Variants in DMRT2 observed in about 807,000 individuals in gnomAD.
DMRT2 encodes doublesex- and mab-3-related transcription factor 2.
A neutral mutation model predicts 43.5 loss-of-function variants in DMRT2; 33 were observed. The observed-to-expected ratio is 0.76, with a 90% confidence interval of 0.58 to 1.01. DMRT2 has a LOEUF of 1.01. Ranked by LOEUF, DMRT2 falls within the 50% of genes least tolerant of loss-of-function variation. The pLI is 0.00. For synonymous variants in DMRT2, 395 were observed against 309.2 expected (o/e 1.28, Z -2.91); for missense variants, 1,064 against 748.0 (o/e 1.42, Z -4.93).
At position 1,051,927 on chromosome 9, in the gene DMRT2, G is replaced by A. The variant is rs1474079992; in HGVS notation, c.314G>A (p.Cys105Tyr). 4.4e-6 allele frequency: 6 copies of A among 1,364,798 alleles called. No homozygotes were observed. In the East Asian group the frequency reaches 1.8e-4, roughly 42 times the overall value. 84.5% of individuals were successfully genotyped at this position (1,364,798 alleles called of 1,614,324 possible). A position where few individuals can be genotyped will look rare whatever the true frequency, so the allele number is the denominator to read the frequency against. Reference sequence around the variant, plus strand: ...GCCGGCACCGGTCCCCGAGAGCGCTGCACTCCCGCGGGCGGCGGCGCGGAG... The same window carrying A: ...GCCGGCACCGGTCCCCGAGAGCGCTACACTCCCGCGGGCGGCGGCGCGGAG... The part of the protein sequence containing the change: ...SPAGTGPRER[C>Y]TPAGGGAEPR... The change falls in exon 2 of 4, where the codon TGC (cysteine) becomes TAC (tyrosine). Residue 105 changes from cysteine to tyrosine, a missense_variant. By Grantham distance (194) the Cys-to-Tyr change is radical. Transcript: ENST00000358146. The surrounding 1 kb of genome is among the most constrained non-coding windows in gnomAD (Gnocchi z 5.9).
In DMRT2 at chr9:1,050,542, G is replaced by C. The variant is rs1821493450; in HGVS notation, c.-278G>C. On this transcript the variant is annotated 5_prime_UTR_variant, in exon 1 of 4. Coordinates refer to ENST00000358146, the MANE Select transcript of DMRT2 (RefSeq NM_181872.6). ...ACTTTGCAGAGTTCGGGATGTGCTG[G>C]GCTAGGTCGCTGAGGACTTGACTGG... is the stretch of plus-strand genomic sequence containing the variant. 6.5e-6 allele frequency: 1 copy of C among 152,796 alleles called. No homozygotes were observed. Among genetic ancestry groups the C allele is most frequent in the Non-Finnish European group, 1.5e-5 (1 of 68,224 alleles). The allele number at this position is 152,796 out of a possible 1,614,324, so 9.5% of individuals were successfully genotyped here. A position where few individuals can be genotyped will look rare whatever the true frequency, so the allele number is the denominator to read the frequency against.
chr9:1,052,173 C>T, intron 2 of DMRT2, 35 bp downstream of exon 2: 1 of 1,326,060 alleles, frequency 7.5e-7, no homozygotes, highest in Non-Finnish European at 9.6e-7. Context: ...TCTCAGGCCA[C>T]AGTGGAGGTG....
chr9:1,056,030 C>A, intron 3 of DMRT2, 186 bp from the exon 4 acceptor site: 1 of 1,423,246 alleles, frequency 7.0e-7, no homozygotes, highest in Middle Eastern at 2.6e-4. Context: ...GTATGGATAT[C>A]TTTCACCCTC....
In DMRT2 at chr9:1,052,093, C is replaced by G; in HGVS notation, c.480C>G (p.Arg160=). The change falls in exon 2 of 4, where the codon CGC becomes CGG. Residue 160 remains arginine (R), a synonymous_variant. Coordinates refer to ENST00000358146, the MANE Select transcript of DMRT2 (RefSeq NM_181872.6). ...ANCLLVVERQ[R]VMAAQVALRR... ...GCCTGCTGGTGGTGGAGCGGCAGCGCGTCATGGCCGCCCAGGTGGCGCTCC... is the reference window on the plus strand; with the variant it reads ...GCCTGCTGGTGGTGGAGCGGCAGCGGGTCATGGCCGCCCAGGTGGCGCTCC... 1.4e-6 allele frequency: 2 copies of G among 1,445,900 alleles called. No homozygotes were observed. The highest frequency in any genetic ancestry group is 1.4e-5 in the South Asian group (1 of 73,172). The allele number at this position is 1,445,900 out of a possible 1,614,324, so 89.6% of individuals were successfully genotyped here.
rs1199313046 is a variant in DMRT2 at position 1,051,760 on chromosome 9, C to T, written c.147C>T (p.Asp49=). The change falls in exon 2 of 4, where the codon GAC becomes GAT. Residue 49 remains aspartate, a synonymous_variant. Coordinates refer to ENST00000358146, the MANE Select transcript of DMRT2 (RefSeq NM_181872.6). This position sits in a 1 kb window ranked among gnomAD's most constrained non-coding sequence, Gnocchi z 5.9. ...CGGCGGACGGGGACTGCGAGGACGACGAAGATGACGACGGGGTGGACGAAG... is the reference window on the plus strand; with the variant it reads ...CGGCGGACGGGGACTGCGAGGACGATGAAGATGACGACGGGGTGGACGAAG... ...PPPADGDCED[D]EDDDGVDEDA... is the part of the protein sequence containing the mutation. 1 of 1,526,344 alleles carries T rather than the reference C, an allele frequency of 6.6e-7. No individual in the cohort carries two copies. Among genetic ancestry groups the T allele is most frequent in the South Asian group, 1.2e-5 (1 of 82,866 alleles). 94.6% of individuals were successfully genotyped at this position (1,526,344 alleles called of 1,614,324 possible). A position where few individuals can be genotyped will look rare whatever the true frequency, so the allele number is the denominator to read the frequency against.
In DMRT2 at chr9:1,052,053, GC is replaced by G; in HGVS notation, c.442del (p.Gln148SerfsTer61). 1 of 1,470,432 alleles carries G rather than the reference GC, an allele frequency of 6.8e-7. No homozygotes were observed. 91.1% of individuals were successfully genotyped at this position (1,470,432 alleles called of 1,614,324 possible). ...AAGCGCTTCTGTCGCTGGCGCGACT[GC>G]CAGTGCGCCAACTGCCTGCTGGTGG... ...GHKRFCRWRD[C>X]QCANCLLVVE... On this transcript the variant is annotated frameshift_variant, in exon 2 of 4. Coordinates refer to ENST00000358146, the MANE Select transcript of DMRT2 (RefSeq NM_181872.6). LOFTEE classifies it high-confidence loss of function.
rs563777846 is a variant in DMRT2, at chr9:1,056,484, C to A, written c.897C>A (p.Phe299Leu). ...CAGTGGAACCACCAAGCAAGGACTT[C>A]TGTAATTTTTTGCCCACCTGCCTTG... is the stretch of plus-strand genomic sequence containing the variant. ...PSPVEPPSKD[F>L]CNFLPTCLDL... is the part of the protein sequence containing the mutation. The change falls in exon 4 of 4, where the codon TTC (phenylalanine) becomes TTA (leucine). Residue 299 changes from phenylalanine (F) to leucine (L), a missense_variant. Coordinates refer to ENST00000358146, the MANE Select transcript of DMRT2 (RefSeq NM_181872.6). The A allele has an allele frequency of 1.3e-5, 21 of 1,614,060 alleles. No individual in the cohort carries two copies. The East Asian group carries it at 4.2e-4, about 33-fold the overall frequency.
At position 1,052,076 on chromosome 9, in the gene DMRT2, G is replaced by T; in HGVS notation, c.463G>T (p.Val155Leu). The T allele has an allele frequency of 2.1e-6, 3 of 1,460,752 alleles. No homozygotes were observed. The highest frequency in any genetic ancestry group is 3.0e-5 in the East Asian group (1 of 33,508). 90.5% of individuals were successfully genotyped at this position (1,460,752 alleles called of 1,614,324 possible). Residue 155 changes from valine to leucine, a missense_variant, in exon 2 of 4, where the codon GTG becomes TTG. Transcript: ENST00000358146. ...RDCQCANCLLVVERQRVMAAQ... is the reference protein window; with the variant it reads ...RDCQCANCLLLVERQRVMAAQ... The stretch of plus-strand genomic sequence containing the variant: ...CTGCCAGTGCGCCAACTGCCTGCTG[G>T]TGGTGGAGCGGCAGCGCGTCATGGC...
chr9:1,050,451 G>C lies in DMRT2; in HGVS notation c.-369G>C, dbSNP rs1821487341. 6.6e-6 allele frequency: 1 copy of C among 152,234 alleles called. No individual in the cohort carries two copies. The highest frequency in any genetic ancestry group is 1.5e-5 in the Non-Finnish European group (1 of 68,076). 9.4% of individuals were successfully genotyped at this position (152,234 alleles called of 1,614,324 possible). ...GGCCCGACCTTTCCCGCCCAGCCTG[G>C]GTCAGAGGAAGCCGAAAGCGGCCTC... On this transcript the variant is annotated 5_prime_UTR_variant, in exon 1 of 4. Coordinates refer to ENST00000358146, the MANE Select transcript of DMRT2 (RefSeq NM_181872.6).
At position 1,056,487 on chromosome 9, in the gene DMRT2, T is replaced by C. The variant is rs1038715336; in HGVS notation, c.900T>C (p.Cys300=). Residue 300 remains cysteine, a synonymous_variant, in exon 4 of 4, where the codon TGT becomes TGC. Coordinates refer to ENST00000358146, the MANE Select transcript of DMRT2 (RefSeq NM_181872.6). ...SPVEPPSKDF[C]NFLPTCLDLT... ...TGGAACCACCAAGCAAGGACTTCTG[T>C]AATTTTTTGCCCACCTGCCTTGATT... is the stretch of plus-strand genomic sequence containing the variant. The C allele has an allele frequency of 1.9e-6, 3 of 1,614,096 alleles. No individual in the cohort carries two copies. Among genetic ancestry groups the C allele is most frequent in the Non-Finnish European group, 1.7e-6 (2 of 1,180,038 alleles).
At chr9:1,056,005 C>G (rs764103857) in intron 3 of DMRT2, 25 of 1,413,544 alleles carry the variant, frequency 1.8e-5, no homozygotes, top group Middle Eastern at 2.6e-4. Flanking sequence ...AGAACAACAA[C>G]AAGAAGAAGT....
At chr9:1,050,821 G>T (rs1263654767) in intron 1 of DMRT2, 46 bp downstream of exon 1, 1 of 152,392 alleles carries the variant, frequency 6.6e-6, no homozygotes, top group East Asian at 1.9e-4. Context: ...GGCAAAGGGC[G>T]TGAATCATCT....
intron 3 of DMRT2, among the ~76,000 whole-genome samples, chr9:1,054,824 GTTTTTTTCT>G: frequency 6.6e-6 from 1 of 152,054 alleles, no homozygotes; most frequent in African/African-American, 2.4e-5. Context: ...TTTGGATTCT[GTTTTTTTCT>G]TGTGTAGCTT....
At chr9:1,053,955 G>A (rs1404266033) in intron 3 of DMRT2, 131 bp downstream of exon 3, 10 of 712,438 alleles carry the variant, frequency 1.4e-5, no homozygotes, top group Admixed American at 2.9e-5. Context: ...GAAAGGTTTT[G>A]TTTAGGTGTT....
Position 1,057,453 on chromosome 9 carries a change from T to A in DMRT2, c.*180T>A, listed in dbSNP as rs895352897. On this transcript the variant is annotated 3_prime_UTR_variant, in exon 4 of 4. Coordinates refer to ENST00000358146, the MANE Select transcript of DMRT2 (RefSeq NM_181872.6). Reference sequence around the variant, plus strand: ...TTTTTCTTATCACATATATTTAAACTTACAGATGGAAATTGCCCAATGTGC... The same window carrying A: ...TTTTTCTTATCACATATATTTAAACATACAGATGGAAATTGCCCAATGTGC... 2 of 661,072 alleles carry A rather than the reference T, an allele frequency of 3.0e-6. No homozygotes were observed. Among genetic ancestry groups the A allele is most frequent in the Admixed American group, 3.3e-5 (1 of 30,524 alleles). 41.0% of individuals were successfully genotyped at this position (661,072 alleles called of 1,614,324 possible).
intron 1 of DMRT2, among the ~76,000 whole-genome samples, 165 bp downstream of exon 1, chr9:1,050,940 C>A (rs1821525592): frequency 6.6e-6 from 1 of 152,176 alleles, no homozygotes; most frequent in Non-Finnish European, 1.5e-5. Context: ...ACTATTAAGG[C>A]TGGACGGGCG....
chr9:1,052,598 G>T (rs1030657089), intron 2 of DMRT2, among the ~76,000 whole-genome samples: 21 of 151,926 alleles, frequency 1.4e-4, no homozygotes, highest in Non-Finnish European at 4.4e-5. Flanking sequence ...CTGTCACCTG[G>T]ACGTTTGAGA....
Position 1,056,469 on chromosome 9 carries a change from A to G in DMRT2, c.882A>G (p.Pro294=), listed in dbSNP as rs377059611. The G allele has an allele frequency of 5.0e-6, 8 of 1,614,194 alleles. No individual in the cohort carries two copies. In the African/African-American group the frequency reaches 6.7e-5, roughly 13 times the overall value. The change falls in exon 4 of 4, where the codon CCA becomes CCG. Residue 294 remains proline (P), a synonymous_variant. Transcript: ENST00000358146. ...KSAYSPSPVE[P]PSKDFCNFLP... ...CCTACAGCCCCAGCCCAGTGGAACC[A>G]CCAAGCAAGGACTTCTGTAATTTTT...
Position 1,053,757 on chromosome 9 carries a change from C to G in DMRT2, c.561C>G (p.Phe187Leu). 1.9e-6 allele frequency: 3 copies of G among 1,613,974 alleles called. No homozygotes were observed. Among genetic ancestry groups the G allele is most frequent in the Non-Finnish European group, 1.7e-6 (2 of 1,179,936 alleles). ...KKGLSGKQNN[F>L]ERKAVYQRQV... ...GGCTTTCCGGGAAACAGAATAATTTCGAGCGCAAAGCTGTGTACCAGAGGC... is the reference window on the plus strand; with the variant it reads ...GGCTTTCCGGGAAACAGAATAATTTGGAGCGCAAAGCTGTGTACCAGAGGC... The change falls in exon 3 of 4, where the codon TTC becomes TTG. Residue 187 changes from phenylalanine (F) to leucine (L), a missense_variant. Phe to Leu is a conservative substitution (Grantham distance 22). Coordinates refer to ENST00000358146, the MANE Select transcript of DMRT2 (RefSeq NM_181872.6).
Sources: gnomAD v4.1 joint callset for allele counts (sites outside exome capture counted in the v4.1 genomes callset) on GRCh38, gnomAD v4.1.1 for gene constraint, Gnocchi (gnomAD v3.1) non-coding constraint, MANE v1.5 for transcripts, NCBI Gene and HGNC (gene_info 2026-07-23, HGNC 2026-07-21) for gene names.